Variants in FTCDNL1 observed in about 807,000 individuals in gnomAD.
FTCDNL1 encodes formiminotransferase N-terminal subdomain-containing protein.
In FTCDNL1, 11 loss-of-function variants were observed where a neutral mutation model predicts 5.9. The ratio of observed to expected loss-of-function variants is 1.87; its 90% CI spans 1.18 to 3.10. The LOEUF is 3.10. Among genes scored for constraint, FTCDNL1 ranks in the 30% most tolerant of loss-of-function variants. FTCDNL1 has a pLI of 0.00. For missense variants in FTCDNL1, 115 were observed against 65.5 expected (o/e 1.76, Z -2.61); for synonymous variants, 58 against 24.8 (o/e 2.34, Z -3.99).
downstream of FTCDNL1, among the ~76,000 whole-genome samples, chr2:199,756,223 ATAT>A (rs1445278442): frequency 2.6e-5 from 4 of 152,218 alleles, no homozygotes; most frequent in Non-Finnish European, 5.9e-5. Flanking sequence ...ATAGGTGAAA[ATAT>A]TATTAAGCTT....
the FTCDNL1 span, among the ~76,000 whole-genome samples, chr2:199,741,486 G>T: frequency 6.6e-6 from 1 of 152,070 alleles, no homozygotes; most frequent in Admixed American, 6.6e-5. Context: ...TTAATTAGCA[G>T]TCCCTTTCGA....
the FTCDNL1 span, among the ~76,000 whole-genome samples, chr2:199,669,008 T>G: frequency 6.6e-6 from 1 of 152,350 alleles, no homozygotes; most frequent in South Asian, 2.1e-4. Context: ...TTTTAAAATC[T>G]GTAGTCTAGT....
At chr2:199,814,899 G>T (rs1305293874) in intron 4 of FTCDNL1, among the ~76,000 whole-genome samples, 3 of 152,148 alleles carry the variant, frequency 2.0e-5, no homozygotes, top group Non-Finnish European at 4.4e-5. Flanking sequence ...GTAGAAAGAA[G>T]TAAGCAGGAA....
intron 3 of FTCDNL1, among the ~76,000 whole-genome samples, chr2:199,783,784 A>C (rs747341575): frequency 3.3e-5 from 5 of 151,838 alleles, no homozygotes; most frequent in Non-Finnish European, 7.4e-5. Context: ...TCATCATGTG[A>C]GTTACTGGTC....
the FTCDNL1 span, among the ~76,000 whole-genome samples, chr2:199,714,087 CTA>C: frequency 6.6e-6 from 1 of 152,278 alleles, no homozygotes; most frequent in East Asian, 1.9e-4. Context: ...TGAAGGAAAA[CTA>C]TTTTGAATTT....
the FTCDNL1 span, among the ~76,000 whole-genome samples, chr2:199,665,634 TAAA>T: frequency 5.8e-4 from 73 of 126,888 alleles, 1 homozygote; most frequent in East Asian, 4.0e-3. Flanking sequence ...AACTTCGTCT[TAAA>T]AAAAAAAAAA....
intron 3 of FTCDNL1, among the ~76,000 whole-genome samples, chr2:199,800,182 G>A (rs552319888): frequency 1.3e-5 from 2 of 152,238 alleles, no homozygotes; most frequent in Admixed American, 1.3e-4. Context: ...TGTCACTCTA[G>A]GAACTGGAGA....
intron 3 of FTCDNL1, among the ~76,000 whole-genome samples, chr2:199,798,622 C>T (rs896982803): frequency 6.6e-6 from 1 of 152,136 alleles, no homozygotes; most frequent in African/African-American, 2.4e-5. Flanking sequence ...CTCTTCATTC[C>T]ACCACGTGAG....
chr2:199,829,444 A>G (rs1284933778), intron 3 of FTCDNL1, among the ~76,000 whole-genome samples: 1 of 152,172 alleles, frequency 6.6e-6, no homozygotes, highest in Non-Finnish European at 1.5e-5. Flanking sequence ...GAGTTTGGTT[A>G]TATTCCTCTT....
At chr2:199,709,302 G>C in the FTCDNL1 span, among the ~76,000 whole-genome samples, 1 of 152,084 alleles carries the variant, frequency 6.6e-6, no homozygotes, top group Non-Finnish European at 1.5e-5. Context: ...TACAGTACAA[G>C]TGTTTCTCCC....
intron 2 of FTCDNL1, among the ~76,000 whole-genome samples, chr2:199,847,226 C>G (rs1362849701): frequency 6.6e-6 from 1 of 151,482 alleles, no homozygotes; most frequent in Non-Finnish European, 1.5e-5. Context: ...AAAAAAAATA[C>G]AGTTTATATG....
intron 3 of FTCDNL1, among the ~76,000 whole-genome samples, chr2:199,844,122 A>G (rs1253130695): frequency 6.6e-6 from 1 of 152,086 alleles, no homozygotes; most frequent in Non-Finnish European, 1.5e-5. Context: ...TTGTTTCCTC[A>G]AGATCTACTG....
the FTCDNL1 span, among the ~76,000 whole-genome samples, chr2:199,743,653 C>A: frequency 1.3e-5 from 2 of 151,908 alleles, no homozygotes; most frequent in African/African-American, 4.8e-5. Flanking sequence ...ACGTCCCTTG[C>A]CTCTGCCTCT....
At chr2:199,742,521 T>C in the FTCDNL1 span, among the ~76,000 whole-genome samples, 6 of 152,236 alleles carry the variant, frequency 3.9e-5, no homozygotes, top group African/African-American at 1.4e-4. Flanking sequence ...ATTTTATCTC[T>C]TCTTAAAGTC....
chr2:199,676,012 A>G, the FTCDNL1 span, among the ~76,000 whole-genome samples: 17 of 152,160 alleles, frequency 1.1e-4, no homozygotes, highest in African/African-American at 4.1e-4. Context: ...TTAGCATCCC[A>G]ACGTGCTGGG....
chr2:199,769,407 C>T (rs894399771), intron 3 of FTCDNL1, among the ~76,000 whole-genome samples: 2 of 152,174 alleles, frequency 1.3e-5, no homozygotes, highest in Non-Finnish European at 2.9e-5. Flanking sequence ...AGTTCCCCTG[C>T]ACAAGTCCTC....
chr2:199,805,661 C>T (rs1163494364), downstream of FTCDNL1, among the ~76,000 whole-genome samples: 1 of 152,106 alleles, frequency 6.6e-6, no homozygotes, highest in African/African-American at 2.4e-5. Flanking sequence ...ATCGCTTGAA[C>T]CCAAGAGACG....
the FTCDNL1 span, among the ~76,000 whole-genome samples, chr2:199,743,279 T>C: frequency 1.3e-5 from 2 of 152,118 alleles, no homozygotes. Flanking sequence ...AAAGTTGAGC[T>C]CAAATCCAGA....
chr2:199,712,862 A>G, the FTCDNL1 span, among the ~76,000 whole-genome samples: 1 of 152,122 alleles, frequency 6.6e-6, no homozygotes, highest in South Asian at 2.1e-4. Context: ...CCATATAAAG[A>G]GCTCACCCTA....
Sources: allele counts gnomAD v4.1 joint callset (sites outside exome capture counted in the v4.1 genomes callset), GRCh38; gene constraint gnomAD v4.1.1; transcripts MANE v1.5; gene names NCBI Gene and HGNC (gene_info 2026-07-23, HGNC 2026-07-21).